The following ANKRD31 variants were observed in gnomAD, a reference collection of about 807,000 sequenced individuals.
The protein encoded by ANKRD31 is ankyrin repeat domain 31, also known as ankyrin repeat domain-containing protein 31.
Under a neutral mutation model 186.0 loss-of-function variants are expected in ANKRD31, and 147 were observed. The ratio of observed to expected loss-of-function variants is 0.79; its 90% CI spans 0.69 to 0.91. The LOEUF (loss-of-function observed/expected upper bound fraction) is 0.91. ANKRD31 is among the 40% of genes least tolerant of loss of function. The pLI, the probability that ANKRD31 is intolerant of heterozygous loss-of-function variation, is 0.00. For synonymous variants in ANKRD31, 673 were observed against 736.4 expected (o/e 0.91, Z 1.39); for missense variants, 1,986 against 2,148.8 (o/e 0.92, Z 1.50).
chr5:75,169,098 T>G lies in ANKRD31; in HGVS notation c.1588A>C (p.Ser530Arg), dbSNP rs1299858258. ...YAGWTALHEA[S>R]VGGFYRTASE... is the part of the protein sequence containing the mutation. ...GCTGTCCGATAAAATCCTCCTACAC[T>G]AGCTTCATGAAGTGCTGTCCAACCT... The change falls in exon 11 of 26, where the codon AGT becomes CGT. Residue 530 changes from serine (S) to arginine (R), a missense_variant. Ser to Arg is a moderately radical substitution (Grantham distance 110). Coordinates refer to ENST00000506364, the MANE Select transcript of ANKRD31 (RefSeq NM_001372053.1). The G allele has an allele frequency of 6.5e-7, 1 of 1,537,008 alleles. No individual in the cohort carries two copies. Among genetic ancestry groups the G allele is most frequent in the East Asian group, 2.4e-5 (1 of 40,846 alleles).
chr5:75,160,999 G>C (rs943315872), intron 11 of ANKRD31, among the ~76,000 whole-genome samples: 1 of 152,138 alleles, frequency 6.6e-6, no homozygotes, highest in Non-Finnish European at 1.5e-5. Flanking sequence ...CCAGTCTTGG[G>C]TATGTCTTTA....
intron 17 of ANKRD31, among the ~76,000 whole-genome samples, chr5:75,127,829 G>A (rs1749371383): frequency 6.6e-6 from 1 of 152,130 alleles, no homozygotes; most frequent in Admixed American, 6.6e-5. Flanking sequence ...GAGGTATTCA[G>A]TGTAAAGGTG....
At chr5:75,143,744 G>A (rs1448865129) in intron 15 of ANKRD31, among the ~76,000 whole-genome samples, 1 of 152,090 alleles carries the variant, frequency 6.6e-6, no homozygotes, top group Non-Finnish European at 1.5e-5. Context: ...TATTCTTGCT[G>A]TGTCTGCAGT....
At position 75,193,571 on chromosome 5, in the gene ANKRD31, T is replaced by G. The variant is rs924372777; in HGVS notation, c.1038A>C (p.Pro346=). 6.5e-7 allele frequency: 1 copy of G among 1,535,998 alleles called. No homozygotes were observed. The highest frequency in any genetic ancestry group is 1.4e-5 in the African/African-American group (1 of 72,998). The part of the protein sequence containing the change: ...QIAETLQDPN[P]SGLQTLAHQN... ...GATGAGCCAAAGTTTGCAATCCAGATGGATTTGGGTCTTGCAGAGTCTGCA... is the reference window on the plus strand; with the variant it reads ...GATGAGCCAAAGTTTGCAATCCAGAGGGATTTGGGTCTTGCAGAGTCTGCA... Residue 346 remains proline (P), a synonymous_variant, in exon 8 of 26, where the codon CCA becomes CCC. Coordinates refer to ENST00000506364, the MANE Select transcript of ANKRD31 (RefSeq NM_001372053.1).
chr5:75,147,861 C>T (rs1260921733), intron 13 of ANKRD31, among the ~76,000 whole-genome samples: 1 of 151,792 alleles, frequency 6.6e-6, no homozygotes, highest in Admixed American at 6.6e-5. Context: ...GTTTCCTTTA[C>T]AAGGAAACTC....
rs115097696 is a variant in ANKRD31 at position 75,077,633 on chromosome 5, A to G, written c.5647+2935T>C. ...AAACGAACCCTGAAATTCTACTAAAAAGAAGTTCTTGGCCGGGCGCGGTGG... is the reference window on the plus strand; with the variant it reads ...AAACGAACCCTGAAATTCTACTAAAGAGAAGTTCTTGGCCGGGCGCGGTGG... On this transcript the variant is annotated intron_variant, in intron 25 of 25. Transcript: ENST00000506364. Among the ~76,000 whole-genome samples, 1,255 of 152,060 alleles carry G rather than the reference A, an allele frequency of 8.3e-3. 30 individuals carry two copies. Among genetic ancestry groups the G allele is most frequent in the African/African-American group, 0.028 (1,164 of 41,476 alleles).
Position 75,146,037 on chromosome 5 carries a change from T to C in ANKRD31, c.3374A>G (p.Asn1125Ser), listed in dbSNP as rs559430537. The change falls in exon 14 of 26, where the codon AAC (asparagine) becomes AGC (serine). Residue 1125 changes from asparagine (N) to serine (S), a missense_variant. Coordinates refer to ENST00000506364, the MANE Select transcript of ANKRD31 (RefSeq NM_001372053.1). ...STDNMSKELA[N>S]ISKLSQREKK... ...TTCTCTTTGACTAAGTTTTGAGATG[T>C]TGGCCAATTCTTTACTCATATTGTC... The C allele has an allele frequency of 2.7e-6, 4 of 1,505,242 alleles. No individual in the cohort carries two copies. In the African/African-American group the frequency reaches 4.2e-5, roughly 16 times the overall value. 93.2% of individuals were successfully genotyped at this position (1,505,242 alleles called of 1,614,324 possible).
At chr5:75,152,481 G>A (rs1751905154) in intron 12 of ANKRD31, among the ~76,000 whole-genome samples, 1 of 151,984 alleles carries the variant, frequency 6.6e-6, no homozygotes. Context: ...AGCCTTTGTT[G>A]TTAAAGGTAA....
Position 75,147,195 on chromosome 5 carries a change from T to C in ANKRD31, c.2216A>G (p.Gln739Arg), listed in dbSNP as rs1021670628. 4.6e-6 allele frequency: 7 copies of C among 1,536,282 alleles called. No homozygotes were observed. Among genetic ancestry groups the C allele is most frequent in the Non-Finnish European group, 4.4e-6 (5 of 1,146,274 alleles). ...TGGATTACAGTCTACATCATCTACT[T>C]GGGTCCTTTTATGTTGTGTTTTTCT... ...GRRKTQHKRTQVDDVDCNPRK... is the reference protein window; with the variant it reads ...GRRKTQHKRTRVDDVDCNPRK... Residue 739 changes from glutamine to arginine, a missense_variant, in exon 14 of 26, where the codon CAA (glutamine) becomes CGA (arginine). Physicochemically the swap from Gln to Arg is conservative, Grantham distance 43. Transcript: ENST00000506364.
intron 25 of ANKRD31, among the ~76,000 whole-genome samples, chr5:75,074,355 C>T (rs1744463887): frequency 6.6e-6 from 1 of 152,192 alleles, no homozygotes; most frequent in East Asian, 1.9e-4. Flanking sequence ...TGCACTAGGT[C>T]TCCCTAAACT....
chr5:75,216,817 TA>T (rs149897224), intron 3 of ANKRD31, among the ~76,000 whole-genome samples: 6 of 151,582 alleles, frequency 4.0e-5, no homozygotes, highest in East Asian at 1.9e-4. Context: ...ACATTTACTT[TA>T]AAAAAAAATT....
At chr5:75,234,074 T>TATCCCTTTATGACAGAAAACTATC (rs56997000) in intron 1 of ANKRD31, among the ~76,000 whole-genome samples, 7,235 of 152,240 alleles carry the variant, frequency 0.048, 368 homozygotes, top group African/African-American at 0.13. Flanking sequence ...TTCAACAAAT[T>TATCCCTTTATGACAGAAAACTATC]ATCCCTTTAT....
At chr5:75,181,003 C>A in intron 10 of ANKRD31, among the ~76,000 whole-genome samples, 1 of 148,368 alleles carries the variant, frequency 6.7e-6, no homozygotes, top group African/African-American at 2.5e-5. Flanking sequence ...GGCTAATATC[C>A]AGAATCTACA....
In ANKRD31 at chr5:75,146,145, AC is replaced by A. The variant is rs1404027909; in HGVS notation, c.3265del (p.Val1089Ter). On this transcript the variant is annotated frameshift_variant, in exon 14 of 26. Transcript: ENST00000506364. LOFTEE classifies it high-confidence loss of function. ...TTTTTCAACTTTAGTTGTTTCTATT[AC>A]TTGAGAATGAGCAACTATGGATAAA... ...EPLSIVAHSQ[V>X]IETTKVEKRR... The A allele has an allele frequency of 3.9e-6, 6 of 1,535,976 alleles. No individual in the cohort carries two copies. In the South Asian group the frequency reaches 7.1e-5, roughly 18 times the overall value.
chr5:75,130,723 A>G (rs888726953), intron 17 of ANKRD31, among the ~76,000 whole-genome samples: 1 of 152,218 alleles, frequency 6.6e-6, no homozygotes, highest in African/African-American at 2.4e-5. Context: ...CTTTAGCTAG[A>G]CAGAAAAGTT....
At chr5:75,204,723 T>C (rs1301765489) in intron 5 of ANKRD31, among the ~76,000 whole-genome samples, 2 of 152,190 alleles carry the variant, frequency 1.3e-5, no homozygotes, top group African/African-American at 4.8e-5. Context: ...GCTGGTACTG[T>C]GTGATGGGCC....
intron 17 of ANKRD31, among the ~76,000 whole-genome samples, chr5:75,135,352 G>A (rs1013408298): frequency 3.3e-5 from 5 of 152,040 alleles, no homozygotes; most frequent in Non-Finnish European, 7.4e-5. Context: ...AAAAATCACA[G>A]GCATTCCTAT....
At chr5:75,145,962 A>G (rs756880550) in intron 14 of ANKRD31, 25 bp downstream of exon 14, 19 of 1,399,878 alleles carry the variant, frequency 1.4e-5, no homozygotes, top group Non-Finnish European at 1.8e-5. Context: ...GGAAATATGT[A>G]CAGATTAAGC....
At chr5:75,134,322 T>C (rs1750358678) in intron 17 of ANKRD31, among the ~76,000 whole-genome samples, 1 of 152,002 alleles carries the variant, frequency 6.6e-6, no homozygotes. Context: ...ATAAAAATGA[T>C]AAAGGTGATA....
Sources: allele counts gnomAD v4.1 joint callset (sites outside exome capture counted in the v4.1 genomes callset), GRCh38; gene constraint gnomAD v4.1.1; transcripts MANE v1.5; gene names NCBI Gene and HGNC (gene_info 2026-07-23, HGNC 2026-07-21).